Variants in ELMO1 observed in about 807,000 individuals in gnomAD.
ELMO1 encodes the protein engulfment and cell motility 1.
In ELMO1, 26 loss-of-function variants were observed where a neutral mutation model predicts 98.9. That is an observed-to-expected ratio of 0.26 (90% CI 0.19 to 0.36). The LOEUF is 0.36. ELMO1 is among the 10% of genes least tolerant of loss of function. ELMO1 has a pLI of 1.00. For synonymous variants in ELMO1, 346 were observed against 346.0 expected (o/e 1.00, Z 0.00); for missense variants, 627 against 935.2 (o/e 0.67, Z 4.30).
At position 37,136,122 on chromosome 7, in the gene ELMO1, C is replaced by A. The variant is rs189767584; in HGVS notation, c.1087-2888G>T. On this transcript the variant is annotated intron_variant, in intron 13 of 21. Coordinates refer to ENST00000310758, the MANE Select transcript of ELMO1 (RefSeq NM_014800.11). ...TAGAATTAGCAAGCAAAATAAAGAA[C>A]CTCAAAGCTCAAAGACAAGGCTTTC... 1.5e-3 allele frequency among the ~76,000 whole-genome samples: 223 copies of A among 152,174 alleles called. 1 individual carries two copies. Among genetic ancestry groups the A allele is most frequent in the Non-Finnish European group, 2.6e-3 (178 of 67,996 alleles).
chr7:36,905,476 C>A lies in ELMO1; in HGVS notation c.1438-10459G>T, dbSNP rs75241762. On this transcript the variant is annotated intron_variant, in intron 16 of 21. Coordinates refer to ENST00000310758, the MANE Select transcript of ELMO1 (RefSeq NM_014800.11). ...AGTACCTGAGACTGGATGGATTTTT[C>A]TTTTCCAAGTTACACAATCATGATG... Among the ~76,000 whole-genome samples, 111 of 152,284 alleles carry A rather than the reference C, an allele frequency of 7.3e-4. 2 individuals carry two copies. The South Asian group carries it at 0.012, about 17-fold the overall frequency.
chr7:37,141,052 A>G (rs1352912232), intron 13 of ELMO1, among the ~76,000 whole-genome samples: 1 of 152,238 alleles, frequency 6.6e-6, no homozygotes, highest in African/African-American at 2.4e-5. Context: ...GAGGAAAAGA[A>G]GTCATTATAT....
intron 1 of ELMO1, among the ~76,000 whole-genome samples, chr7:37,379,574 A>G (rs1802502229): frequency 6.6e-6 from 1 of 152,208 alleles, no homozygotes; most frequent in African/African-American, 2.4e-5. Context: ...TTTTCTTCAT[A>G]GAACTGGTCA....
intron 16 of ELMO1, among the ~76,000 whole-genome samples, chr7:36,992,128 T>C (rs1400022553): frequency 6.6e-6 from 1 of 152,234 alleles, no homozygotes; most frequent in African/African-American, 2.4e-5. Context: ...ATGTAAGTGA[T>C]ACCTACGAAC....
chr7:37,152,089 A>C (rs1435362745), intron 13 of ELMO1, among the ~76,000 whole-genome samples: 1 of 152,218 alleles, frequency 6.6e-6, no homozygotes, highest in Non-Finnish European at 1.5e-5. Context: ...CATTGCCCCT[A>C]ACCTTAGCAA....
At position 37,279,805 on chromosome 7, in the gene ELMO1, T is replaced by C. The variant is rs374206908; in HGVS notation, c.193-7923A>G. Among the ~76,000 whole-genome samples, 3 of 152,234 alleles carry C rather than the reference T, an allele frequency of 2.0e-5. No individual in the cohort carries two copies. In the South Asian group the frequency reaches 6.2e-4, roughly 32 times the overall value. On this transcript the variant is annotated intron_variant, in intron 4 of 21. Coordinates refer to ENST00000310758, the MANE Select transcript of ELMO1 (RefSeq NM_014800.11). ...AGGAAATCTGTAGCCGAACTTTGTA[T>C]GGTGGGAGTGAGACTGGCCCTTCAG...
At chr7:36,934,696 G>T (rs1294816086) in intron 16 of ELMO1, among the ~76,000 whole-genome samples, 1 of 152,202 alleles carries the variant, frequency 6.6e-6, no homozygotes, top group Non-Finnish European at 1.5e-5. Context: ...GAAGTCAGAT[G>T]CTCACTAAAC....
intron 15 of ELMO1, among the ~76,000 whole-genome samples, chr7:37,037,848 T>C (rs1044698788): frequency 6.6e-6 from 1 of 152,172 alleles, no homozygotes; most frequent in Non-Finnish European, 1.5e-5. Context: ...ATATTGTTAA[T>C]CTGGGCAGCT....
intron 16 of ELMO1, among the ~76,000 whole-genome samples, chr7:36,936,619 G>C (rs1786555535): frequency 6.6e-6 from 1 of 151,998 alleles, no homozygotes; most frequent in African/African-American, 2.4e-5. Flanking sequence ...CATCATGCCT[G>C]GCTAATTTTT....
rs566985980 is a variant in ELMO1 at position 37,340,800 on chromosome 7, C to T, written c.78+1813G>A. 2.0e-5 allele frequency among the ~76,000 whole-genome samples: 3 copies of T among 152,264 alleles called. No individual in the cohort carries two copies. The South Asian group carries it at 6.2e-4, about 32-fold the overall frequency. On this transcript the variant is annotated intron_variant, in intron 2 of 21. Transcript: ENST00000310758. ...CCATCTCCAAAGGCAGAGAACACTA[C>T]ACTAACCTCACAGGTAAGGAGGAGG... is the stretch of plus-strand genomic sequence containing the variant.
chr7:37,404,358 T>C (rs901501979), intron 1 of ELMO1, among the ~76,000 whole-genome samples: 2 of 152,154 alleles, frequency 1.3e-5, no homozygotes, highest in Non-Finnish European at 2.9e-5. Flanking sequence ...CTGTGCGCCA[T>C]GATTTCTATG....
At chr7:37,056,736 T>C (rs1273465252) in intron 15 of ELMO1, among the ~76,000 whole-genome samples, 1 of 152,024 alleles carries the variant, frequency 6.6e-6, no homozygotes, top group Non-Finnish European at 1.5e-5. Context: ...AGTGTGCATG[T>C]GATGGTGGGG....
At chr7:37,065,327 G>C (rs1796899074) in intron 15 of ELMO1, among the ~76,000 whole-genome samples, 1 of 151,884 alleles carries the variant, frequency 6.6e-6, no homozygotes, top group South Asian at 2.1e-4. Context: ...CTTGAAAAGA[G>C]GTGTCTCCAT....
intron 16 of ELMO1, among the ~76,000 whole-genome samples, chr7:37,009,435 C>A (rs568257210): frequency 6.6e-6 from 1 of 152,212 alleles, no homozygotes; most frequent in African/African-American, 2.4e-5. Flanking sequence ...CCATCTGCTG[C>A]TTCCCAAGCC....
In ELMO1 at chr7:37,211,450, CTGT is replaced by C. The variant is rs1462119176; in HGVS notation, c.1019_1021del (p.Asn340del). 5 of 1,613,864 alleles carry C rather than the reference CTGT, an allele frequency of 3.1e-6. No homozygotes were observed. Among genetic ancestry groups the C allele is most frequent in the African/African-American group, 1.3e-5 (1 of 74,864 alleles). On this transcript the variant is annotated inframe_deletion, in exon 13 of 22. Coordinates refer to ENST00000310758, the MANE Select transcript of ELMO1 (RefSeq NM_014800.11). ...CTTGCGTTTCTCCATGCTGCCACTGCTGTTGTTAGGTTCAGACTCAGCATCAAA... is the reference window on the plus strand; with the variant it reads ...CTTGCGTTTCTCCATGCTGCCACTGCTGTTAGGTTCAGACTCAGCATCAAA...
intron 4 of ELMO1, among the ~76,000 whole-genome samples, chr7:37,288,511 A>G (rs1797514468): frequency 1.3e-5 from 2 of 152,154 alleles, no homozygotes; most frequent in Non-Finnish European, 2.9e-5. Flanking sequence ...AGGCATGAGG[A>G]TTACATGCCC....
At chr7:36,949,076 G>A (rs549545883) in intron 16 of ELMO1, among the ~76,000 whole-genome samples, 21 of 152,210 alleles carry the variant, frequency 1.4e-4, no homozygotes, top group African/African-American at 4.6e-4. Flanking sequence ...GGCTGGTCTT[G>A]AACTCCTGAC....
chr7:37,096,867 T>C lies in ELMO1; in HGVS notation c.1192-140A>G, dbSNP rs556721889. On this transcript the variant is annotated intron_variant, in intron 14 of 21. Transcript: ENST00000310758. The stretch of plus-strand genomic sequence containing the variant: ...GACTCTTGGGGCCAGGACAAAATAG[T>C]ACTCCAAGTATACAGGACCGAAAAG... The C allele has an allele frequency of 2.5e-5, 19 of 762,240 alleles. No homozygotes were observed. The East Asian group carries it at 4.3e-4, about 17-fold the overall frequency. 47.2% of individuals were successfully genotyped at this position (762,240 alleles called of 1,614,324 possible).
intron 2 of ELMO1, among the ~76,000 whole-genome samples, chr7:37,332,454 C>T (rs921154525): frequency 1.3e-4 from 20 of 152,104 alleles, no homozygotes; most frequent in African/African-American, 4.8e-4. Flanking sequence ...AAGTGGAGCC[C>T]TGTGGGATGT....
Sources: gnomAD v4.1 joint callset for allele counts (sites outside exome capture counted in the v4.1 genomes callset) on GRCh38, gnomAD v4.1.1 for gene constraint, MANE v1.5 for transcripts, NCBI Gene and HGNC (gene_info 2026-07-23, HGNC 2026-07-21) for gene names.